ATXN1: variants seen among roughly 807,000 people sequenced by gnomAD.
The protein encoded by ATXN1 is ataxin 1.
Under a neutral mutation model 56.4 loss-of-function variants are expected in ATXN1, and 8 were observed. The observed-to-expected ratio is 0.14, with a 90% CI of 0.08 to 0.26. The LOEUF is 0.26. ATXN1 is among the 10% of genes least tolerant of loss of function. The pLI, the probability that ATXN1 is intolerant of heterozygous loss-of-function variation, is 1.00. For synonymous variants in ATXN1, 514 were observed against 494.6 expected (o/e 1.04, Z -0.52); for missense variants, 987 against 1,106.5 (o/e 0.89, Z 1.53).
intron 2 of ATXN1, among the ~76,000 whole-genome samples, chr6:16,712,129 T>G (rs183636349): frequency 6.8e-4 from 103 of 152,254 alleles, no homozygotes; most frequent in African/African-American, 2.4e-3. Flanking sequence ...TTGATTAGGA[T>G]GCTGATTATG....
intron 4 of ATXN1, among the ~76,000 whole-genome samples, chr6:16,553,620 G>A (rs1366901571): frequency 6.6e-6 from 1 of 152,124 alleles, no homozygotes; most frequent in Admixed American, 6.5e-5. Context: ...AAAAATATCA[G>A]TTGACAGACT....
At chr6:16,644,807 A>AGCT (rs1763773783) in intron 3 of ATXN1, among the ~76,000 whole-genome samples, 1 of 152,086 alleles carries the variant, frequency 6.6e-6, no homozygotes, top group African/African-American at 2.4e-5. Context: ...TCGCAAAGTG[A>AGCT]GCACAGCTGC....
intron 2 of ATXN1, among the ~76,000 whole-genome samples, chr6:16,694,721 C>T (rs538414343): frequency 6.6e-6 from 1 of 152,324 alleles, no homozygotes; most frequent in South Asian, 2.1e-4. Flanking sequence ...CAACTCACAT[C>T]TCCTCTCTGG....
intron 3 of ATXN1, among the ~76,000 whole-genome samples, chr6:16,593,490 A>G (rs1762759919): frequency 6.6e-6 from 1 of 152,210 alleles, no homozygotes; most frequent in Non-Finnish European, 1.5e-5. Context: ...AATAAAATGA[A>G]CAGGCATACA....
At chr6:16,732,071 G>A (rs749318240) in intron 2 of ATXN1, among the ~76,000 whole-genome samples, 1 of 152,092 alleles carries the variant, frequency 6.6e-6, no homozygotes, top group African/African-American at 2.4e-5. Flanking sequence ...GCATGTTTTT[G>A]AGACAATGGA....
intron 4 of ATXN1, among the ~76,000 whole-genome samples, chr6:16,548,005 T>G (rs995299505): frequency 2.0e-5 from 3 of 152,130 alleles, no homozygotes; most frequent in Non-Finnish European, 2.9e-5. Context: ...GAGAAATGCA[T>G]CTTCACGTGA....
intron 1 of ATXN1, among the ~76,000 whole-genome samples, chr6:16,759,970 C>A (rs1387355964): frequency 1.3e-5 from 2 of 152,082 alleles, no homozygotes; most frequent in Non-Finnish European, 2.9e-5. Flanking sequence ...GCCCTCGCCC[C>A]CCGCCCGGCG....
rs182884592 is a variant in ATXN1 at position 16,405,324 on chromosome 6, G to A, written c.-160-76854C>T. Among the ~76,000 whole-genome samples the A allele has an allele frequency of 4.6e-5, 7 of 152,322 alleles. No homozygotes were observed. The East Asian group carries it at 7.7e-4, about 17-fold the overall frequency. Reference sequence around the variant, plus strand: ...CTAGCAGTTTGCTACAAACGACTACGTAGTGAGAGTTAGGAACTATTCTGG... The same window carrying A: ...CTAGCAGTTTGCTACAAACGACTACATAGTGAGAGTTAGGAACTATTCTGG... On this transcript the variant is annotated intron_variant, in intron 6 of 7. Coordinates refer to ENST00000436367, the MANE Select transcript of ATXN1 (RefSeq NM_001128164.2).
chr6:16,734,181 T>C (rs796837035), intron 2 of ATXN1, among the ~76,000 whole-genome samples: 3 of 152,316 alleles, frequency 2.0e-5, no homozygotes, highest in African/African-American at 7.2e-5. Flanking sequence ...CACAGTCATA[T>C]GAAATCATCC....
At chr6:16,464,229 G>A (rs1270193858) in intron 6 of ATXN1, among the ~76,000 whole-genome samples, 2 of 152,112 alleles carry the variant, frequency 1.3e-5, no homozygotes, top group African/African-American at 4.8e-5. Context: ...TTCGTAAAAT[G>A]CACCAATCAG....
chr6:16,703,274 TG>T (rs1759327701), intron 2 of ATXN1, among the ~76,000 whole-genome samples: 1 of 152,002 alleles, frequency 6.6e-6, no homozygotes, highest in African/African-American at 2.4e-5. Context: ...AGGTGGGAAT[TG>T]AACAATGAGA....
chr6:16,316,881 T>TTTTTTTTTTTTTTTTG (rs1760523936), intron 7 of ATXN1, among the ~76,000 whole-genome samples: 1 of 144,844 alleles, frequency 6.9e-6, no homozygotes, highest in African/African-American at 2.7e-5. Context: ...TTTTTTTTTT[T>TTTTTTTTTTTTTTTTG]TTTTTTTTTT....
intron 1 of ATXN1, 94 bp from the exon 2 acceptor site, chr6:16,753,441 C>T: frequency 4.7e-6 from 2 of 429,060 alleles, no homozygotes; most frequent in Non-Finnish European, 9.4e-6. Context: ...TGTCTATGCA[C>T]CGAAATACAA....
chr6:16,622,719 T>C (rs895659680), intron 3 of ATXN1, among the ~76,000 whole-genome samples: 4 of 152,222 alleles, frequency 2.6e-5, no homozygotes, highest in African/African-American at 9.6e-5. Flanking sequence ...GTGTATGTGA[T>C]ATTTTAAAGA....
chr6:16,434,131 T>C (rs922844288), intron 6 of ATXN1, among the ~76,000 whole-genome samples: 1 of 147,056 alleles, frequency 6.8e-6, no homozygotes, highest in Non-Finnish European at 1.5e-5. Flanking sequence ...TACAGAAACA[T>C]GTGCACACAT....
intron 2 of ATXN1, among the ~76,000 whole-genome samples, chr6:16,745,869 C>A (rs62388013): frequency 0.015 from 2,351 of 151,886 alleles, 34 homozygotes; most frequent in South Asian, 0.031. Context: ...CCTGACTATA[C>A]CTCAAATGCA....
rs536408773 is a variant in ATXN1, at chr6:16,567,714, T to C, written c.-361+18066A>G. ...GAAGGCATATCTCCAGGACCAGTGT[T>C]CCGCCTTTTTACTTTACAATCTAAT... On this transcript the variant is annotated intron_variant, in intron 4 of 7. Coordinates refer to ENST00000436367, the MANE Select transcript of ATXN1 (RefSeq NM_001128164.2). Among the ~76,000 whole-genome samples, 4 of 152,010 alleles carry C rather than the reference T, an allele frequency of 2.6e-5. No homozygotes were observed. The South Asian group carries it at 8.3e-4, about 31-fold the overall frequency.
chr6:16,327,501 G>C lies in ATXN1; in HGVS notation c.810C>G (p.Leu270=), dbSNP rs1319088001. The C allele has an allele frequency of 1.9e-6, 3 of 1,612,960 alleles. No individual in the cohort carries two copies. The South Asian group carries it at 3.3e-5, about 18-fold the overall frequency. ...TASPPAIPVH[L]HPHQTMIPHT... ...GTGGGATCATCGTCTGGTGGGGGTGGAGGTGGACGGGGATGGCCGGAGGAG... is the reference window on the plus strand; with the variant it reads ...GTGGGATCATCGTCTGGTGGGGGTGCAGGTGGACGGGGATGGCCGGAGGAG... The change falls in exon 7 of 8, where the codon CTC becomes CTG. Residue 270 remains leucine, a synonymous_variant. Transcript: ENST00000436367.
intron 3 of ATXN1, among the ~76,000 whole-genome samples, chr6:16,598,817 C>T (rs1762863212): frequency 6.6e-6 from 1 of 152,210 alleles, no homozygotes; most frequent in South Asian, 2.1e-4. Flanking sequence ...AGGCTGCAGG[C>T]TGACACCATT....
Sources: gnomAD v4.1 joint callset for allele counts (sites outside exome capture counted in the v4.1 genomes callset) on GRCh38, gnomAD v4.1.1 for gene constraint, MANE v1.5 for transcripts, NCBI Gene and HGNC (gene_info 2026-07-23, HGNC 2026-07-21) for gene names.